Variants in MYNN observed in about 807,000 individuals in gnomAD.
MYNN encodes the protein zinc finger and BTB domain-containing protein 31.
A neutral mutation model predicts 57.2 loss-of-function variants in MYNN; 22 were observed. That is an observed-to-expected ratio of 0.38 (90% CI 0.27 to 0.55). The LOEUF (loss-of-function observed/expected upper bound fraction) is 0.55, where lower values mean the gene tolerates loss of function less well. Ranked by LOEUF, MYNN falls within the 20% of genes least tolerant of loss-of-function variation. The probability of loss-of-function intolerance (pLI) is 0.71; values close to 1 mark genes in which losing one functional copy is unlikely to be tolerated. For missense variants in MYNN, 566 were observed against 723.1 expected, an observed-to-expected ratio of 0.78 and a Z score of 2.49; for synonymous variants, 241 against 257.1, an observed-to-expected ratio of 0.94 and a Z score of 0.60.
At chr3:169,779,865 A>G (rs979088580) in intron 3 of MYNN, 1 of 328,236 alleles carries the variant, frequency 3.0e-6, no homozygotes, top group East Asian at 5.6e-5. Flanking sequence ...AGAAAATGTA[A>G]TTACAATTCA....
chr3:169,777,088 A>G (rs1189532452), intron 2 of MYNN: 1 of 152,192 alleles, frequency 6.6e-6, no homozygotes, highest in East Asian at 1.9e-4. Flanking sequence ...ACTAAACACA[A>G]TTAGAGACCA....
At position 169,779,343 on chromosome 3, in the gene MYNN, A is replaced by G; in HGVS notation, c.842A>G (p.Lys281Arg). 6.2e-7 allele frequency: 1 copy of G among 1,614,236 alleles called. No individual in the cohort carries two copies. Among genetic ancestry groups the G allele is most frequent in the African/African-American group, 1.3e-5 (1 of 75,074 alleles). Residue 281 changes from lysine (K) to arginine (R), a missense_variant, in exon 3 of 8, where the codon AAG becomes AGG. Physicochemically the swap from Lys to Arg is conservative, Grantham distance 26. Coordinates refer to ENST00000349841, the MANE Select transcript of MYNN (RefSeq NM_018657.5). Reference protein sequence around the residue: ...EHSMSNIASVKSPYEAENSGE... With the variant: ...EHSMSNIASVRSPYEAENSGE... ...TCTATGTCTAATATAGCCAGCGTCA[A>G]GAGTCCTTATGAGGCGGAGAACTCC...
rs568356034 is a variant in MYNN at position 169,785,075 on chromosome 3, G to C, written c.1570+367G>C. On this transcript the variant is annotated intron_variant, in intron 7 of 7. Coordinates refer to ENST00000349841, the MANE Select transcript of MYNN (RefSeq NM_018657.5). ...TATGGTTATTATGAAAAAAAAGGGG[G>C]GGGGGGTGGTGTTATCATGAACACT... Among the ~76,000 whole-genome samples, 187 of 147,516 alleles carry C rather than the reference G, an allele frequency of 1.3e-3. 3 individuals carry two copies. Among genetic ancestry groups the C allele is most frequent in the African/African-American group, 4.3e-3 (174 of 40,158 alleles).
At chr3:169,780,824 G>C in intron 4 of MYNN, 75 bp downstream of exon 4, 1 of 1,200,386 alleles carries the variant, frequency 8.3e-7, no homozygotes, top group South Asian at 1.7e-5. Flanking sequence ...TATTATATTA[G>C]AATTCAGGAC....
At position 169,783,454 on chromosome 3, in the gene MYNN, G is replaced by T. The variant is rs375193685; in HGVS notation, c.1400-23G>T. ...TTATATTGGTATAGTACACCACTTC[G>T]CTATCTTTTATTTTCCATCTAGGTG... On this transcript the variant is annotated intron_variant, in intron 5 of 7. Coordinates refer to ENST00000349841, the MANE Select transcript of MYNN (RefSeq NM_018657.5). The T allele has an allele frequency of 6.4e-6, 9 of 1,409,498 alleles. No homozygotes were observed. In the South Asian group the frequency reaches 9.4e-5, roughly 15 times the overall value. The allele number at this position is 1,409,498 out of a possible 1,614,324, so 87.3% of individuals were successfully genotyped here.
Position 169,782,490 on chromosome 3 carries a change from G to A in MYNN, c.1246G>A (p.Val416Ile). ...GAAGCATAGTGGAGAGAAGCCATATGTCTGTGATAGGTGTGGACAGAGATT... is the reference window on the plus strand; with the variant it reads ...GAAGCATAGTGGAGAGAAGCCATATATCTGTGATAGGTGTGGACAGAGATT... ...ARKHSGEKPY[V>I]CDRCGQRFAQ... The change falls in exon 5 of 8, where the codon GTC (valine) becomes ATC (isoleucine). Residue 416 changes from valine (V) to isoleucine (I), a missense_variant. Val to Ile is a conservative substitution (Grantham distance 29). Around this residue, in one of 4 missense-constraint regions of MYNN, gnomAD observed 123 missense variants for 222.6 expected, o/e 0.55. Transcript: ENST00000349841. The surrounding 1 kb of genome is among the most constrained non-coding windows in gnomAD (Gnocchi z 4.8). 1 of 1,612,492 alleles carries A rather than the reference G, an allele frequency of 6.2e-7. No homozygotes were observed. The highest frequency in any genetic ancestry group is 8.5e-7 in the Non-Finnish European group (1 of 1,179,454).
intron 4 of MYNN, among the ~76,000 whole-genome samples, chr3:169,781,242 G>A (rs1778506485): frequency 1.3e-5 from 2 of 152,226 alleles, no homozygotes; most frequent in South Asian, 4.1e-4. Flanking sequence ...CCCCTATAAA[G>A]ATGGAGCTGC....
chr3:169,785,310 A>T (rs193125371), intron 7 of MYNN, among the ~76,000 whole-genome samples: 1 of 152,006 alleles, frequency 6.6e-6, no homozygotes, highest in African/African-American at 2.4e-5. Context: ...CGTAAGTATT[A>T]AGTTAGAAAC....
intron 2 of MYNN, chr3:169,778,034 G>C (rs1778397762): frequency 6.5e-6 from 1 of 153,020 alleles, no homozygotes. Flanking sequence ...TTCGAGACCA[G>C]CCTGGGCAGC....
chr3:169,773,824 T>C (rs1778247438), intron 1 of MYNN, among the ~76,000 whole-genome samples: 1 of 152,218 alleles, frequency 6.6e-6, no homozygotes, highest in Non-Finnish European at 1.5e-5. Flanking sequence ...CCTCTCGTTT[T>C]GGAGAAACTG....
intron 3 of MYNN, 107 bp from the exon 4 acceptor site, chr3:169,780,483 G>GT (rs766417933): frequency 1.7e-5 from 12 of 726,342 alleles, no homozygotes; most frequent in Non-Finnish European, 2.5e-5. Context: ...AGTTCCAACA[G>GT]TTAACATTTT....
chr3:169,773,719 G>A (rs1778243293), intron 1 of MYNN, among the ~76,000 whole-genome samples: 1 of 152,220 alleles, frequency 6.6e-6, no homozygotes, highest in South Asian at 2.1e-4. Flanking sequence ...CGCGTAGAGA[G>A]TGGGAAGGGA....
chr3:169,782,708 C>T lies in MYNN; in HGVS notation c.1399+65C>T, dbSNP rs974809070. On this transcript the variant is annotated intron_variant, in intron 5 of 7. Transcript: ENST00000349841. This position sits in a 1 kb window ranked among gnomAD's most constrained non-coding sequence, Gnocchi z 4.8. ...AAATAAAAGAAAAAGGGGACTTGGG[C>T]CTTTTAGCGAAGTAGATCGGAAACT... is the stretch of plus-strand genomic sequence containing the variant. The T allele has an allele frequency of 2.2e-6, 3 of 1,362,598 alleles. No homozygotes were observed. Among genetic ancestry groups the T allele is most frequent in the African/African-American group, 3.0e-5 (2 of 67,568 alleles). 84.4% of individuals were successfully genotyped at this position (1,362,598 alleles called of 1,614,324 possible).
At position 169,788,673 on chromosome 3, in the gene MYNN, A is replaced by G. The variant is rs760092062; in HGVS notation, c.*1995A>G. ...AGCCTTCAAATTTATTATTTTTAGTATTATTTGATACGATTGAAGTGGCTA... is the reference window on the plus strand; with the variant it reads ...AGCCTTCAAATTTATTATTTTTAGTGTTATTTGATACGATTGAAGTGGCTA... On this transcript the variant is annotated 3_prime_UTR_variant, in exon 8 of 8. Transcript: ENST00000349841. 1.2e-4 allele frequency: 18 copies of G among 152,130 alleles called. No homozygotes were observed. The highest frequency in any genetic ancestry group is 2.5e-4 in the Non-Finnish European group (17 of 67,986). 9.4% of individuals were successfully genotyped at this position (152,130 alleles called of 1,614,324 possible). A position where few individuals can be genotyped will look rare whatever the true frequency, so the allele number is the denominator to read the frequency against.
intron 7 of MYNN, 21 bp from the exon 8 acceptor site, chr3:169,786,395 T>G (rs1419900579): frequency 6.3e-7 from 1 of 1,596,380 alleles, no homozygotes; most frequent in Non-Finnish European, 8.5e-7. Flanking sequence ...TAATGTAGAT[T>G]TTTTTTTCCT....
rs190228933 is a variant in MYNN, at chr3:169,788,587, A to G, written c.*1909A>G. ...ACTGCTACAGTGACGTCATAATTCT[A>G]TAAGGGCAATAGTTGCCAAATTTCC... On this transcript the variant is annotated 3_prime_UTR_variant, in exon 8 of 8. Coordinates refer to ENST00000349841, the MANE Select transcript of MYNN (RefSeq NM_018657.5). The G allele has an allele frequency of 2.7e-3, 418 of 152,320 alleles. No individual in the cohort carries two copies. The highest frequency in any genetic ancestry group is 9.8e-3 in the African/African-American group (407 of 41,600). 9.4% of individuals were successfully genotyped at this position (152,320 alleles called of 1,614,324 possible).
Position 169,783,956 on chromosome 3 carries a change from A to G in MYNN, c.1483+396A>G, listed in dbSNP as rs867282317. On this transcript the variant is annotated intron_variant, in intron 6 of 7. Transcript: ENST00000349841. The stretch of plus-strand genomic sequence containing the variant: ...TTTTGACATGCTTATTGTAAAAAGT[A>G]GTTTGTAAATTGTATAAAGAAAATA... 1.0e-4 allele frequency: 28 copies of G among 276,684 alleles called. No homozygotes were observed. The Middle Eastern group carries it at 4.0e-3, about 39-fold the overall frequency. The allele number at this position is 276,684 out of a possible 1,614,324, so 17.1% of individuals were successfully genotyped here.
At chr3:169,779,663 T>G (rs1195826521) in intron 3 of MYNN, 102 bp downstream of exon 3, 1 of 1,148,424 alleles carries the variant, frequency 8.7e-7, no homozygotes, top group Non-Finnish European at 1.2e-6. Flanking sequence ...CAGAATTTGG[T>G]ATATTTTTCT....
chr3:169,786,487 C>A lies in MYNN; in HGVS notation c.1642C>A (p.Pro548Thr). The change falls in exon 8 of 8, where the codon CCT becomes ACT. Residue 548 changes from proline to threonine, a missense_variant. Physicochemically the swap from Pro to Thr is conservative, Grantham distance 38 (BLOSUM62 -1). Around this residue, in one of 4 missense-constraint regions of MYNN, gnomAD observed 156 missense variants for 163.9 expected, o/e 0.95. Transcript: ENST00000349841. ...LSEQDSIQKS[P>T]LSETMDVKPS... is the part of the protein sequence containing the mutation. ...TGAACAGGATTCCATACAAAAAAGT[C>A]CTTTATCAGAAACTATGGATGTGAA... 1 of 1,613,548 alleles carries A rather than the reference C, an allele frequency of 6.2e-7. No individual in the cohort carries two copies. The highest frequency in any genetic ancestry group is 8.5e-7 in the Non-Finnish European group (1 of 1,179,590).
Sources: gnomAD v4.1 joint callset for allele counts (sites outside exome capture counted in the v4.1 genomes callset) on GRCh38, gnomAD v4.1.1 for gene constraint, gnomAD v4.1.1 regional missense constraint, Gnocchi (gnomAD v3.1) non-coding constraint, MANE v1.5 for transcripts, NCBI Gene and HGNC (gene_info 2026-07-23, HGNC 2026-07-21) for gene names.